SOX5: variants seen among roughly 807,000 people sequenced by gnomAD.
The protein encoded by SOX5 is transcription factor SOX-5.
Under a neutral mutation model 92.0 loss-of-function variants are expected in SOX5, and 9 were observed. The ratio of observed to expected loss-of-function variants is 0.10; its 90% CI spans 0.06 to 0.17. SOX5 has a LOEUF of 0.17. SOX5 is among the 10% of genes least tolerant of loss of function. The probability of loss-of-function intolerance (pLI) is 1.00; values close to 1 mark genes in which losing one functional copy is unlikely to be tolerated. For missense variants in SOX5, 642 were observed against 944.5 expected, an observed-to-expected ratio of 0.68 and a Z score of 4.20; for synonymous variants, 344 against 336.3, an observed-to-expected ratio of 1.02 and a Z score of -0.25.
At chr12:23,879,091 G>C (rs1029713399) in intron 2 of SOX5, among the ~76,000 whole-genome samples, 3 of 152,072 alleles carry the variant, frequency 2.0e-5, no homozygotes, top group Non-Finnish European at 4.4e-5. Context: ...ATCCTTTCAT[G>C]TTTTAATATA....
chr12:24,061,800 T>C (rs1275855566), intron 4 of SOX5, among the ~76,000 whole-genome samples: 1 of 151,282 alleles, frequency 6.6e-6, no homozygotes, highest in Non-Finnish European at 1.5e-5. Context: ...CAACAGGCCC[T>C]ATAATGTAAG....
At chr12:24,131,287 C>A (rs990197303) in intron 4 of SOX5, among the ~76,000 whole-genome samples, 2 of 152,156 alleles carry the variant, frequency 1.3e-5, no homozygotes, top group Admixed American at 1.3e-4. Context: ...ATTAACTCTC[C>A]TGGGTACACC....
intron 2 of SOX5, among the ~76,000 whole-genome samples, chr12:24,319,626 C>T (rs1950024360): frequency 6.6e-6 from 1 of 152,160 alleles, no homozygotes; most frequent in South Asian, 2.1e-4. Flanking sequence ...AGTCTTTTTA[C>T]CCCTTGAAAT....
intron 1 of SOX5, among the ~76,000 whole-genome samples, chr12:23,940,627 A>G (rs1204210960): frequency 6.6e-6 from 1 of 151,270 alleles, no homozygotes; most frequent in East Asian, 1.9e-4. Flanking sequence ...AGATCTTAAC[A>G]TCTAGCTAAT....
intron 2 of SOX5, among the ~76,000 whole-genome samples, chr12:23,860,537 G>A (rs114061955): frequency 0.013 from 1,958 of 152,120 alleles, 40 homozygotes; most frequent in African/African-American, 0.044. Flanking sequence ...CAATAAGTCC[G>A]CCCAACTAAA....
chr12:23,613,180 G>A (rs947724260), intron 8 of SOX5, among the ~76,000 whole-genome samples: 2 of 152,028 alleles, frequency 1.3e-5, no homozygotes, highest in African/African-American at 4.8e-5. Flanking sequence ...CATGTCGAAG[G>A]TATAAAAATT....
intron 1 of SOX5, among the ~76,000 whole-genome samples, chr12:24,459,489 G>C (rs1280012990): frequency 1.3e-5 from 2 of 152,104 alleles, no homozygotes; most frequent in African/African-American, 2.4e-5. Context: ...TTAAATATAA[G>C]TACGATAATC....
chr12:24,062,024 A>G (rs934764713), intron 4 of SOX5, among the ~76,000 whole-genome samples: 1 of 152,234 alleles, frequency 6.6e-6, no homozygotes, highest in Non-Finnish European at 1.5e-5. Flanking sequence ...TAAAAAAACA[A>G]TATTAACAAA....
chr12:24,068,952 G>A (rs1434852946), intron 4 of SOX5, among the ~76,000 whole-genome samples: 1 of 150,186 alleles, frequency 6.7e-6, no homozygotes, highest in Non-Finnish European at 1.5e-5. Flanking sequence ...ATAGTCCAAG[G>A]AGTTAGCATA....
At chr12:24,348,064 A>C (rs1163578011) in intron 2 of SOX5, among the ~76,000 whole-genome samples, 4 of 151,218 alleles carry the variant, frequency 2.6e-5, no homozygotes, top group East Asian at 3.8e-4. Context: ...AAAAAAAAAA[A>C]AAAAAACAGA....
chr12:24,077,357 G>A (rs1028748493), intron 4 of SOX5, among the ~76,000 whole-genome samples: 18 of 152,028 alleles, frequency 1.2e-4, no homozygotes, highest in Admixed American at 6.6e-4. Flanking sequence ...GGAGACTGGC[G>A]CACAATTCTT....
intron 6 of SOX5, among the ~76,000 whole-genome samples, chr12:23,670,817 C>T (rs2084656326): frequency 7.2e-6 from 1 of 139,078 alleles, no homozygotes. Context: ...AAACCACAGA[C>T]ATTAAAAAGA....
At chr12:24,000,528 C>T (rs1951498807) in intron 4 of SOX5, among the ~76,000 whole-genome samples, 1 of 152,058 alleles carries the variant, frequency 6.6e-6, no homozygotes. Context: ...ATCTCTACAA[C>T]ACCACTAATA....
At chr12:24,497,890 C>T (rs1008619809) in intron 1 of SOX5, among the ~76,000 whole-genome samples, 2 of 152,030 alleles carry the variant, frequency 1.3e-5, no homozygotes, top group Non-Finnish European at 2.9e-5. Context: ...GAGATCATAT[C>T]CTCTGCAGGG....
chr12:24,120,619 A>G (rs1209491546), intron 4 of SOX5, among the ~76,000 whole-genome samples: 3 of 152,216 alleles, frequency 2.0e-5, no homozygotes, highest in Non-Finnish European at 4.4e-5. Context: ...AGCATTCAAT[A>G]TTCCTTTGAT....
At chr12:23,696,445 A>C (rs2140132588) in intron 6 of SOX5, among the ~76,000 whole-genome samples, 1 of 152,218 alleles carries the variant, frequency 6.6e-6, no homozygotes, top group Admixed American at 6.5e-5. Context: ...ATGGTCTGTA[A>C]AATCTTCAGT....
chr12:23,881,157 T>C (rs1437862182), intron 2 of SOX5, among the ~76,000 whole-genome samples: 1 of 152,114 alleles, frequency 6.6e-6, no homozygotes, highest in Admixed American at 6.5e-5. Flanking sequence ...GCTGCCATGT[T>C]AATTTAGTAT....
chr12:24,395,248 T>TAA (rs200651353), intron 1 of SOX5, among the ~76,000 whole-genome samples: 2,463 of 146,082 alleles, frequency 0.017, 80 homozygotes, highest in African/African-American at 0.054. Flanking sequence ...ACAGATCTAT[T>TAA]AAAAAAAAAA....
chr12:23,971,530 A>AATATATAT (rs139288287), intron 4 of SOX5, among the ~76,000 whole-genome samples: 38 of 146,948 alleles, frequency 2.6e-4, no homozygotes, highest in Middle Eastern at 3.6e-3. Flanking sequence ...TCCACTTCAG[A>AATATATAT]ATATATATAT....
Sources: allele counts gnomAD v4.1 joint callset (sites outside exome capture counted in the v4.1 genomes callset), GRCh38; gene constraint gnomAD v4.1.1; transcripts MANE v1.5; gene names NCBI Gene and HGNC (gene_info 2026-07-23, HGNC 2026-07-21).